CSMD1: variants seen among roughly 807,000 people sequenced by gnomAD.
CSMD1 encodes CUB and Sushi multiple domains 1, also known as CUB and sushi domain-containing protein 1.
In CSMD1, 213 loss-of-function variants were observed where a neutral mutation model predicts 417.5. The observed-to-expected ratio is 0.51, with a 90% CI of 0.46 to 0.57. CSMD1 has a LOEUF of 0.57. Among genes scored for constraint, CSMD1 ranks in the 20% least tolerant of loss-of-function variants. The pLI is 0.00. For missense variants in CSMD1, 6,923 were observed against 4,529.7 expected, an observed-to-expected ratio of 1.53 and a Z score of -15.17; for synonymous variants, 2,862 against 1,736.8, an observed-to-expected ratio of 1.65 and a Z score of -16.11.
At chr8:3,916,518 G>A (rs1225246370) in intron 5 of CSMD1, among the ~76,000 whole-genome samples, 1 of 152,120 alleles carries the variant, frequency 6.6e-6, no homozygotes, top group African/African-American at 2.4e-5. Flanking sequence ...TTCCTACTTA[G>A]GGATACGCCT....
At chr8:4,191,837 G>C (rs1017545391) in intron 3 of CSMD1, among the ~76,000 whole-genome samples, 3 of 151,360 alleles carry the variant, frequency 2.0e-5, no homozygotes, top group Admixed American at 1.3e-4. Context: ...ATATGAGTCA[G>C]CAAAATCAAC....
chr8:3,441,512 C>CAT (rs1195701162), intron 12 of CSMD1, among the ~76,000 whole-genome samples: 1 of 77,972 alleles, frequency 1.3e-5, no homozygotes, highest in East Asian at 2.6e-4. Flanking sequence ...TATATATATA[C>CAT]ACACACACAC....
chr8:3,713,003 A>G (rs1801615564), intron 6 of CSMD1, among the ~76,000 whole-genome samples: 1 of 152,278 alleles, frequency 6.6e-6, no homozygotes. Flanking sequence ...AGGTTTTCTC[A>G]TCGCAAACCA....
At chr8:3,483,650 C>T (rs561640789) in intron 11 of CSMD1, among the ~76,000 whole-genome samples, 1 of 152,098 alleles carries the variant, frequency 6.6e-6, no homozygotes, top group African/African-American at 2.4e-5. Flanking sequence ...TAGTATTCAA[C>T]TGATACCAAA....
intron 10 of CSMD1, among the ~76,000 whole-genome samples, chr8:3,540,396 G>T (rs184166866): frequency 4.6e-5 from 7 of 152,200 alleles, no homozygotes; most frequent in Admixed American, 1.3e-4. Flanking sequence ...GTGGATTCAA[G>T]ACTTAAATGT....
chr8:4,029,100 T>C (rs1031970348), intron 4 of CSMD1, among the ~76,000 whole-genome samples: 1 of 152,104 alleles, frequency 6.6e-6, no homozygotes, highest in African/African-American at 2.4e-5. Context: ...CATTAAATGG[T>C]CAAGGAGTGT....
intron 8 of CSMD1, chr8:3,613,366 T>G: frequency 2.9e-6 from 1 of 346,422 alleles, no homozygotes. Flanking sequence ...ATACACAAAC[T>G]CTTCTATGGT....
chr8:4,969,351 G>C (rs1270221379), intron 1 of CSMD1, among the ~76,000 whole-genome samples: 1 of 151,776 alleles, frequency 6.6e-6, no homozygotes, highest in Non-Finnish European at 1.5e-5. Context: ...TATATAATGA[G>C]GAAAGCATTG....
At chr8:4,660,120 A>C (rs1167854211) in intron 1 of CSMD1, among the ~76,000 whole-genome samples, 1 of 151,590 alleles carries the variant, frequency 6.6e-6, no homozygotes, top group Non-Finnish European at 1.5e-5. Context: ...AGTGCAAAAA[A>C]AAAAAAAAAG....
intron 4 of CSMD1, among the ~76,000 whole-genome samples, chr8:4,009,895 C>G (rs1052888303): frequency 2.0e-5 from 3 of 152,086 alleles, no homozygotes; most frequent in African/African-American, 7.2e-5. Flanking sequence ...TCTTCCTTTA[C>G]AACAGTCCCT....
intron 2 of CSMD1, among the ~76,000 whole-genome samples, chr8:4,618,086 G>C (rs569419338): frequency 5.1e-4 from 77 of 152,124 alleles, no homozygotes; most frequent in Non-Finnish European, 8.8e-4. Context: ...TGAATTTTTT[G>C]GTACAATCTG....
At chr8:4,036,290 G>A (rs922586318) in intron 3 of CSMD1, among the ~76,000 whole-genome samples, 1 of 152,020 alleles carries the variant, frequency 6.6e-6, no homozygotes, top group Non-Finnish European at 1.5e-5. Flanking sequence ...TGTTGTTATG[G>A]TCAAGCCTCC....
intron 3 of CSMD1, among the ~76,000 whole-genome samples, chr8:4,130,861 T>A (rs1359184397): frequency 6.6e-6 from 1 of 151,698 alleles, no homozygotes; most frequent in Non-Finnish European, 1.5e-5. Context: ...TTATTTAACT[T>A]AGAAAGAGTG....
intron 2 of CSMD1, among the ~76,000 whole-genome samples, chr8:4,482,357 G>C (rs866595632): frequency 8.5e-5 from 13 of 152,180 alleles, no homozygotes; most frequent in African/African-American, 2.4e-4. Flanking sequence ...TCGGTTTTCT[G>C]TTCCTGAGTT....
At chr8:4,336,509 C>A (rs932118470) in intron 3 of CSMD1, among the ~76,000 whole-genome samples, 1 of 152,108 alleles carries the variant, frequency 6.6e-6, no homozygotes, top group Non-Finnish European at 1.5e-5. Context: ...CTACATGGTG[C>A]CTGGCCAATA....
intron 23 of CSMD1, among the ~76,000 whole-genome samples, chr8:3,322,532 A>C (rs1806219008): frequency 6.6e-6 from 1 of 152,206 alleles, no homozygotes; most frequent in Middle Eastern, 3.2e-3. Flanking sequence ...ATCCATGCAC[A>C]TACATAACTA....
At chr8:4,132,869 T>G (rs1271946256) in intron 3 of CSMD1, among the ~76,000 whole-genome samples, 2 of 152,144 alleles carry the variant, frequency 1.3e-5, no homozygotes, top group Non-Finnish European at 2.9e-5. Flanking sequence ...TATATGAAAT[T>G]TATTCTATTT....
At chr8:3,053,074 G>A (rs1811974499) in intron 49 of CSMD1, among the ~76,000 whole-genome samples, 1 of 152,194 alleles carries the variant, frequency 6.6e-6, no homozygotes, top group African/African-American at 2.4e-5. Context: ...GAGCCACCAT[G>A]CCCAGCATGA....
intron 3 of CSMD1, among the ~76,000 whole-genome samples, chr8:4,221,684 A>G (rs1801041274): frequency 6.6e-6 from 1 of 152,178 alleles, no homozygotes; most frequent in Non-Finnish European, 1.5e-5. Flanking sequence ...TGCCATTCCC[A>G]CATTCCAGCA....
Sources: allele counts gnomAD v4.1 joint callset (sites outside exome capture counted in the v4.1 genomes callset), GRCh38; gene constraint gnomAD v4.1.1; transcripts MANE v1.5; gene names NCBI Gene and HGNC (gene_info 2026-07-23, HGNC 2026-07-21).